SERPINA10: variants seen among roughly 807,000 people sequenced by gnomAD.
SERPINA10 encodes the protein protein Z-dependent protease inhibitor.
SERPINA10 carries 24 observed loss-of-function variants against 28.0 expected under a neutral mutation model. The ratio of observed to expected loss-of-function variants is 0.86; its 90% CI spans 0.62 to 1.20. The LOEUF is 1.20. Ranked by LOEUF, SERPINA10 falls within the 50% of genes most tolerant of loss-of-function variation. SERPINA10 has a pLI of 0.00. For missense variants in SERPINA10, 521 were observed against 537.7 expected, an observed-to-expected ratio of 0.97 and a Z score of 0.31; for synonymous variants, 207 against 203.9, an observed-to-expected ratio of 1.02 and a Z score of -0.13.
chr14:94,286,306 CTG>C lies in SERPINA10; in HGVS notation c.993-50_993-49del, dbSNP rs1406095149. 1.6e-5 allele frequency: 26 copies of C among 1,605,668 alleles called. No homozygotes were observed. In the East Asian group the frequency reaches 5.8e-4, roughly 36 times the overall value. On this transcript the variant is annotated intron_variant, in intron 3 of 4. Transcript: ENST00000261994. ...GGTGAAATGTAGACAAAGCCCTAGT[CTG>C]TGGACACCAAAAAGGTCACAATTTT...
intron 3 of SERPINA10, among the ~76,000 whole-genome samples, chr14:94,287,203 A>G (rs750420074): frequency 6.6e-6 from 1 of 151,744 alleles, no homozygotes; most frequent in African/African-American, 2.4e-5. Flanking sequence ...CTCACCCTAG[A>G]CTCCAGATCC....
At chr14:94,288,227 C>T in intron 3 of SERPINA10, 59 bp downstream of exon 3, 1 of 1,604,656 alleles carries the variant, frequency 6.2e-7, no homozygotes, top group East Asian at 2.2e-5. Context: ...TGAAATTGTG[C>T]TGAGCGTTTG....
rs767265298 is a variant in SERPINA10 at position 94,288,356 on chromosome 14, C to T, written c.922G>A (p.Asp308Asn). The T allele has an allele frequency of 3.1e-6, 5 of 1,614,144 alleles. No homozygotes were observed. In the South Asian group the frequency reaches 3.3e-5, roughly 11 times the overall value. Reference sequence around the variant, plus strand: ...AGGTAGTCTTCAAGGGCGAGGTGGTCACCCATTTTCTCCATGAGGACCACC... The same window carrying T: ...AGGTAGTCTTCAAGGGCGAGGTGGTTACCCATTTTCTCCATGAGGACCACC... ...MLVVLMEKMG[D>N]HLALEDYLTT... The change falls in exon 3 of 5, where the codon GAC becomes AAC. Residue 308 changes from aspartate (D) to asparagine (N), a missense_variant. Asp to Asn is a conservative substitution (Grantham distance 23, BLOSUM62 1). Coordinates refer to ENST00000261994, the MANE Select transcript of SERPINA10 (RefSeq NM_001100607.3).
At position 94,290,525 on chromosome 14, in the gene SERPINA10, GGCCAAGCCGGGTACCA is replaced by G; in HGVS notation, c.53_68del (p.Leu18ProfsTer19). 6.2e-7 allele frequency: 1 copy of G among 1,613,140 alleles called. No homozygotes were observed. Among genetic ancestry groups the G allele is most frequent in the Non-Finnish European group, 8.5e-7 (1 of 1,179,714 alleles). Reference sequence around the variant, plus strand: ...GGGTCTCTGGCGACTGAGGACTGGGGGCCAAGCCGGGTACCAGCCACACCTGTGCCAGGAGGACGGA... The same window carrying G: ...GGGTCTCTGGCGACTGAGGACTGGGGGCCACACCTGTGCCAGGAGGACGGA... On this transcript the variant is annotated frameshift_variant, in exon 2 of 5. Coordinates refer to ENST00000261994, the MANE Select transcript of SERPINA10 (RefSeq NM_001100607.3). LOFTEE classifies it high-confidence loss of function.
rs11441 is a variant in SERPINA10 at position 94,283,499 on chromosome 14, T to C, written c.*466A>G. On this transcript the variant is annotated 3_prime_UTR_variant, in exon 5 of 5. Transcript: ENST00000261994. The stretch of plus-strand genomic sequence containing the variant: ...TGAGTAGTGGGATGGAATCTTGCAT[T>C]GTCCTGCTCTGTCCCACCCAGGATG... 0.24 allele frequency: 40,254 copies of C among 164,984 alleles called. 6,168 individuals are homozygous for C. The highest frequency in any genetic ancestry group is 0.58 in the East Asian group (3,360 of 5,808). The allele number at this position is 164,984 out of a possible 1,614,324, so 10.2% of individuals were successfully genotyped here. A position where few individuals can be genotyped will look rare whatever the true frequency, so the allele number is the denominator to read the frequency against.
chr14:94,286,253 A>G lies in SERPINA10; in HGVS notation c.998T>C (p.Met333Thr), dbSNP rs1156790961. The G allele has an allele frequency of 3.7e-6, 6 of 1,613,700 alleles. No individual in the cohort carries two copies. The highest frequency in any genetic ancestry group is 3.3e-5 in the Admixed American group (2 of 60,004). Residue 333 changes from methionine (M) to threonine (T), a missense_variant, in exon 4 of 5, where the codon ATG (methionine) becomes ACG (threonine). Met to Thr is a moderately conservative substitution (Grantham distance 81). Transcript: ENST00000261994. ...CTTGAACTTCGGAAAGAAAACTTCC[A>G]TGTTTCTGTGGTACAAGAACAGATG... Reference protein sequence around the residue: ...TWLRNMKTRNMEVFFPKFKLD... With the variant: ...TWLRNMKTRNTEVFFPKFKLD...
At chr14:94,291,921 G>A (rs779494662) in intron 1 of SERPINA10, among the ~76,000 whole-genome samples, 6 of 152,152 alleles carry the variant, frequency 3.9e-5, no homozygotes, top group African/African-American at 1.4e-4. Flanking sequence ...CAGTCTGAAC[G>A]GCACTACCCT....
At position 94,281,844 on chromosome 14, in the gene SERPINA10, C is replaced by T. The variant is rs1369487199; in HGVS notation, c.*2121G>A. 1 of 152,164 alleles carries T rather than the reference C, an allele frequency of 6.6e-6. No individual in the cohort carries two copies. Among genetic ancestry groups the T allele is most frequent in the Non-Finnish European group, 1.5e-5 (1 of 67,988 alleles). 9.4% of individuals were successfully genotyped at this position (152,164 alleles called of 1,614,324 possible). On this transcript the variant is annotated 3_prime_UTR_variant, in exon 5 of 5. Coordinates refer to ENST00000261994, the MANE Select transcript of SERPINA10 (RefSeq NM_001100607.3). ...GTACCTTTTTATTACTGGGTTTGGC[C>T]ATATTGATTTCAGTGAGTATTGTGC... is the stretch of plus-strand genomic sequence containing the variant.
chr14:94,281,232 C>G lies in SERPINA10; in HGVS notation c.*2733G>C, dbSNP rs540783997. ...CGGGCAGATCACAAGGTCAGGAGATCAAGACCATCCTGACTAACACAGTGA... is the reference window on the plus strand; with the variant it reads ...CGGGCAGATCACAAGGTCAGGAGATGAAGACCATCCTGACTAACACAGTGA... On this transcript the variant is annotated 3_prime_UTR_variant, in exon 5 of 5. Transcript: ENST00000261994. The G allele has an allele frequency of 6.6e-6, 1 of 152,146 alleles. No homozygotes were observed. Among genetic ancestry groups the G allele is most frequent in the African/African-American group, 2.4e-5 (1 of 41,488 alleles). 9.4% of individuals were successfully genotyped at this position (152,146 alleles called of 1,614,324 possible).
Position 94,290,210 on chromosome 14 carries a change from G to A in SERPINA10, c.384C>T (p.Leu128=). ...TGGTGGGCTTCAGGGCCTGCAAGTG[G>A]AGCCCTCTCTTGATCTGGGTTTCAG... The part of the protein sequence containing the change: ...GPTETQIKRG[L]HLQALKPTKP... Residue 128 remains leucine (L), a synonymous_variant, in exon 2 of 5, where the codon CTC becomes CTT. Transcript: ENST00000261994. 1 of 1,613,546 alleles carries A rather than the reference G, an allele frequency of 6.2e-7. No individual in the cohort carries two copies.
Position 94,284,101 on chromosome 14 carries a change from C to T in SERPINA10, c.1199G>A (p.Gly400Glu). 1 of 1,614,102 alleles carries T rather than the reference C, an allele frequency of 6.2e-7. No individual in the cohort carries two copies. The highest frequency in any genetic ancestry group is 8.5e-7 in the Non-Finnish European group (1 of 1,179,936). ...VDERGTEAVA[G>E]ILSEITAYSM... ...ATAAGCAGTAATTTCTGACAAGATT[C>T]CTGCCACTGCCTCAGTGCCCCTTTC... The change falls in exon 5 of 5, where the codon GGA becomes GAA. Residue 400 changes from glycine (G) to glutamate (E), a missense_variant. Coordinates refer to ENST00000261994, the MANE Select transcript of SERPINA10 (RefSeq NM_001100607.3).
Position 94,290,250 on chromosome 14 carries a change from C to T in SERPINA10, c.344G>A (p.Gly115Glu). The change falls in exon 2 of 5, where the codon GGG becomes GAG. Residue 115 changes from glycine to glutamate, a missense_variant. Transcript: ENST00000261994. ...MSLAMTGLMLGATGPTETQIK... is the reference protein window; with the variant it reads ...MSLAMTGLMLEATGPTETQIK... ...CTGGGTTTCAGTCGGCCCTGTGGCCCCCAGCATCAAGCCTGTCATGGCCAA... is the reference window on the plus strand; with the variant it reads ...CTGGGTTTCAGTCGGCCCTGTGGCCTCCAGCATCAAGCCTGTCATGGCCAA... 1 of 1,614,120 alleles carries T rather than the reference C, an allele frequency of 6.2e-7. No homozygotes were observed. Among genetic ancestry groups the T allele is most frequent in the Non-Finnish European group, 8.5e-7 (1 of 1,179,968 alleles).
Position 94,283,770 on chromosome 14 carries a change from C to T in SERPINA10, c.*195G>A. ...TAAGGTTCAGCACTGTCCACCGTTT[C>T]AGGCATCTGCTGGGGGTCTTTGAAT... On this transcript the variant is annotated 3_prime_UTR_variant, in exon 5 of 5. Coordinates refer to ENST00000261994, the MANE Select transcript of SERPINA10 (RefSeq NM_001100607.3). 1.6e-6 allele frequency: 1 copy of T among 620,210 alleles called. No individual in the cohort carries two copies. Among genetic ancestry groups the T allele is most frequent in the Non-Finnish European group, 2.8e-6 (1 of 351,164 alleles). 38.4% of individuals were successfully genotyped at this position (620,210 alleles called of 1,614,324 possible).
At chr14:94,293,047 C>A (rs1392785891) in intron 1 of SERPINA10, 142 bp downstream of exon 1, 1 of 243,644 alleles carries the variant, frequency 4.1e-6, no homozygotes, top group African/African-American at 2.2e-5. Context: ...ATGTACAGTC[C>A]CTGTGGAGTG....
chr14:94,289,092 T>A (rs1199665986), intron 2 of SERPINA10, among the ~76,000 whole-genome samples: 2 of 152,218 alleles, frequency 1.3e-5, no homozygotes, highest in Non-Finnish European at 2.9e-5. Flanking sequence ...GGTACATTAC[T>A]CTCTACATAA....
Position 94,288,544 on chromosome 14 carries a change from G to C in SERPINA10, c.734C>G (p.Pro245Arg). 6.2e-7 allele frequency: 1 copy of C among 1,614,186 alleles called. No homozygotes were observed. Among genetic ancestry groups the C allele is most frequent in the Non-Finnish European group, 8.5e-7 (1 of 1,180,042 alleles). ...YILFKGKWLTPFDPVFTEVDT... is the reference protein window; with the variant it reads ...YILFKGKWLTRFDPVFTEVDT... ...GACTTCGGTGAAGACAGGGTCAAATGGGGTCAACCATTTCCCTGAACAAGT... is the reference window on the plus strand; with the variant it reads ...GACTTCGGTGAAGACAGGGTCAAATCGGGTCAACCATTTCCCTGAACAAGT... Residue 245 changes from proline to arginine, a missense_variant, in exon 3 of 5, where the codon CCA becomes CGA. Pro to Arg is a moderately radical substitution (Grantham distance 103). Coordinates refer to ENST00000261994, the MANE Select transcript of SERPINA10 (RefSeq NM_001100607.3).
intron 1 of SERPINA10, among the ~76,000 whole-genome samples, chr14:94,292,209 G>A (rs954221042): frequency 5.9e-5 from 9 of 152,156 alleles, no homozygotes; most frequent in South Asian, 2.1e-4. Flanking sequence ...GTTTAGATGA[G>A]GTCGTGAGGG....
intron 1 of SERPINA10, among the ~76,000 whole-genome samples, chr14:94,290,862 C>A (rs527409912): frequency 1.3e-5 from 2 of 152,176 alleles, no homozygotes; most frequent in East Asian, 1.9e-4. Flanking sequence ...CCTGCCAGGC[C>A]GGCAGGCAGC....
intron 1 of SERPINA10, chr14:94,292,477 T>G: frequency 1.6e-6 from 1 of 640,984 alleles, no homozygotes; most frequent in Non-Finnish European, 2.9e-6. Context: ...CGTGGCATCA[T>G]TTAGTGCTAC....
Sources: gnomAD v4.1 joint callset for allele counts (sites outside exome capture counted in the v4.1 genomes callset) on GRCh38, gnomAD v4.1.1 for gene constraint, MANE v1.5 for transcripts, NCBI Gene and HGNC (gene_info 2026-07-23, HGNC 2026-07-21) for gene names.